EBF2: variants seen among roughly 807,000 people sequenced by gnomAD.
EBF2 encodes transcription factor COE2.
In EBF2, 21 loss-of-function variants were observed where a neutral mutation model predicts 72.8. The observed-to-expected ratio is 0.29, with a 90% confidence interval of 0.20 to 0.42. The LOEUF (loss-of-function observed/expected upper bound fraction) is 0.42. Among genes scored for constraint, EBF2 ranks in the 10% least tolerant of loss-of-function variants. The pLI is 1.00. For synonymous variants in EBF2, 299 were observed against 274.2 expected (o/e 1.09, Z -0.89); for missense variants, 637 against 731.2 (o/e 0.87, Z 1.49).
chr8:25,991,424 CTT>C (rs2117209861), intron 6 of EBF2, among the ~76,000 whole-genome samples: 1 of 152,316 alleles, frequency 6.6e-6, no homozygotes, highest in South Asian at 2.1e-4. Context: ...AACTGGAAGA[CTT>C]TTATAGATGG....
intron 13 of EBF2, among the ~76,000 whole-genome samples, chr8:25,858,986 CTCTT>C (rs1802157554): frequency 6.6e-6 from 1 of 152,074 alleles, no homozygotes; most frequent in Non-Finnish European, 1.5e-5. Context: ...ACCTTTCTCT[CTCTT>C]CCCCATCTAT....
At chr8:26,040,215 A>G (rs1405910242) in intron 4 of EBF2, 114 bp from the exon 5 acceptor site, 3 of 1,143,664 alleles carry the variant, frequency 2.6e-6, no homozygotes, top group East Asian at 2.4e-5. Context: ...CTGCCACCGC[A>G]TTAGGAATTC....
At chr8:25,983,440 G>A (rs922603029) in intron 6 of EBF2, among the ~76,000 whole-genome samples, 2 of 152,044 alleles carry the variant, frequency 1.3e-5, no homozygotes, top group African/African-American at 4.8e-5. Flanking sequence ...TTGTTATTTC[G>A]TTTTATAATT....
intron 10 of EBF2, among the ~76,000 whole-genome samples, chr8:25,880,731 C>T (rs1802592569): frequency 6.6e-6 from 1 of 152,122 alleles, no homozygotes; most frequent in African/African-American, 2.4e-5. Flanking sequence ...CCCAGGTGAA[C>T]TTTTGTAAAG....
At position 25,855,013 on chromosome 8, in the gene EBF2, G is replaced by C. The variant is rs944666532; in HGVS notation, c.1528+3306C>G. 9.3e-4 allele frequency among the ~76,000 whole-genome samples: 141 copies of C among 152,196 alleles called. 1 individual carries two copies. Among genetic ancestry groups the C allele is most frequent in the Admixed American group, 9.2e-3 (141 of 15,284 alleles). On this transcript the variant is annotated intron_variant, in intron 14 of 15. Coordinates refer to ENST00000520164, the MANE Select transcript of EBF2 (RefSeq NM_022659.4). ...AGGCTTGTTAAATAGACAATCTTTT[G>C]GGACTGCAGAGAGAACCATTTTAGG...
intron 10 of EBF2, among the ~76,000 whole-genome samples, chr8:25,873,317 T>G (rs1319175177): frequency 1.3e-5 from 2 of 152,198 alleles, no homozygotes; most frequent in Non-Finnish European, 2.9e-5. Flanking sequence ...TAAGACCCCT[T>G]TCAAGCTCTT....
At chr8:25,969,131 C>G (rs567557406) in intron 6 of EBF2, among the ~76,000 whole-genome samples, 1 of 152,130 alleles carries the variant, frequency 6.6e-6, no homozygotes, top group African/African-American at 2.4e-5. Context: ...ATTGGAGACA[C>G]CTTTTCTTAA....
At chr8:26,036,266 G>A (rs968671972) in intron 5 of EBF2, among the ~76,000 whole-genome samples, 1 of 152,176 alleles carries the variant, frequency 6.6e-6, no homozygotes, top group Non-Finnish European at 1.5e-5. Context: ...TAAGCCTGGT[G>A]CCAGTGTAGT....
intron 7 of EBF2, among the ~76,000 whole-genome samples, chr8:25,906,388 A>T (rs534498163): frequency 6.6e-6 from 1 of 152,276 alleles, no homozygotes; most frequent in African/African-American, 2.4e-5. Context: ...TTTATTTGGA[A>T]TATTGAGCAC....
chr8:25,964,994 A>T (rs1362984723), intron 6 of EBF2, among the ~76,000 whole-genome samples: 1 of 152,212 alleles, frequency 6.6e-6, no homozygotes, highest in Middle Eastern at 3.2e-3. Context: ...TAATTGATGG[A>T]GCTATGATAT....
intron 5 of EBF2, 78 bp downstream of exon 5, chr8:26,039,950 C>G: frequency 6.6e-7 from 1 of 1,526,240 alleles, no homozygotes; most frequent in South Asian, 1.1e-5. Flanking sequence ...AAAGTTAGTC[C>G]CGGGAACGCG....
chr8:25,973,725 GA>G (rs1804225623), intron 6 of EBF2, among the ~76,000 whole-genome samples: 1 of 152,044 alleles, frequency 6.6e-6, no homozygotes, highest in Non-Finnish European at 1.5e-5. Flanking sequence ...TGCCCAAGTG[GA>G]ATGCAGTGAC....
intron 10 of EBF2, among the ~76,000 whole-genome samples, chr8:25,866,423 G>A (rs1310741088): frequency 1.5e-5 from 2 of 136,050 alleles, no homozygotes; most frequent in Non-Finnish European, 3.1e-5. Context: ...CTTTTGGCCA[G>A]ATTTTTTATT....
At chr8:25,878,296 G>A (rs1332834553) in intron 10 of EBF2, among the ~76,000 whole-genome samples, 1 of 152,198 alleles carries the variant, frequency 6.6e-6, no homozygotes, top group Non-Finnish European at 1.5e-5. Flanking sequence ...TAGGAGCACT[G>A]TCCTGCAGTG....
At chr8:25,942,910 G>A (rs906100731) in intron 6 of EBF2, among the ~76,000 whole-genome samples, 1 of 152,154 alleles carries the variant, frequency 6.6e-6, no homozygotes, top group African/African-American at 2.4e-5. Flanking sequence ...TACAGGACAT[G>A]TCACTGATGA....
intron 6 of EBF2, among the ~76,000 whole-genome samples, chr8:26,008,589 T>G (rs1325080381): frequency 1.3e-5 from 2 of 152,094 alleles, no homozygotes; most frequent in Non-Finnish European, 2.9e-5. Flanking sequence ...AGGGAAAAAT[T>G]CTCGATTGCA....
chr8:25,922,553 A>G (rs1324519420), intron 6 of EBF2, among the ~76,000 whole-genome samples: 2 of 152,178 alleles, frequency 1.3e-5, no homozygotes, highest in Non-Finnish European at 2.9e-5. Flanking sequence ...TCAGCCACCC[A>G]TTTCCTCTGC....
chr8:26,029,127 C>T (rs1016960007), intron 6 of EBF2, among the ~76,000 whole-genome samples: 2 of 152,138 alleles, frequency 1.3e-5, no homozygotes, highest in Non-Finnish European at 2.9e-5. Context: ...ATGGAGGATC[C>T]CCTATTGTAA....
intron 6 of EBF2, among the ~76,000 whole-genome samples, chr8:26,002,544 T>C (rs1438793215): frequency 3.4e-5 from 5 of 146,190 alleles, no homozygotes; most frequent in Admixed American, 2.9e-4. Context: ...TTTCCCTTTG[T>C]GTTCTATCTC....
Sources: allele counts gnomAD v4.1 joint callset (sites outside exome capture counted in the v4.1 genomes callset), GRCh38; gene constraint gnomAD v4.1.1; transcripts MANE v1.5; gene names NCBI Gene and HGNC (gene_info 2026-07-23, HGNC 2026-07-21).